The following ZNF771 variants were observed in gnomAD, a reference collection of about 807,000 sequenced individuals.
The protein encoded by ZNF771 is mesenchymal stem cell protein DSC43.
A neutral mutation model predicts 27.6 loss-of-function variants in ZNF771; 10 were observed. That is an observed-to-expected ratio of 0.36 (90% CI 0.22 to 0.61). The LOEUF is 0.61. Among genes scored for constraint, ZNF771 ranks in the 20% least tolerant of loss-of-function variants. ZNF771 has a pLI of 0.70. For missense variants in ZNF771, 438 were observed against 503.7 expected (o/e 0.87, Z 1.25); for synonymous variants, 261 against 225.2 (o/e 1.16, Z -1.43).
chr16:30,416,575 G>A (rs2050135063), intron 2 of ZNF771, among the ~76,000 whole-genome samples: 1 of 151,954 alleles, frequency 6.6e-6, no homozygotes, highest in South Asian at 2.1e-4. Context: ...ACCATCCACC[G>A]TCCACTTCTG....
chr16:30,414,420 C>T (rs1209270924), intron 2 of ZNF771: 1 of 152,172 alleles, frequency 6.6e-6, no homozygotes, highest in African/African-American at 2.4e-5. Flanking sequence ...TGAGTCCATC[C>T]TGGCTCCCAC....
chr16:30,407,924 A>C, intron 1 of ZNF771, 121 bp from the exon 2 acceptor site: 1 of 599,752 alleles, frequency 1.7e-6, no homozygotes. Context: ...CCAGATTCGG[A>C]GACCAGGGCA....
chr16:30,412,123 T>TC (rs1428175490), intron 2 of ZNF771, among the ~76,000 whole-genome samples: 1 of 151,944 alleles, frequency 6.6e-6, no homozygotes, highest in Admixed American at 6.6e-5. Flanking sequence ...ACCTATCCCA[T>TC]CCCCCCTTGT....
chr16:30,418,307 G>A lies in ZNF771; in HGVS notation c.894G>A (p.Leu298=). The change falls in exon 3 of 3, where the codon CTG becomes CTA. Residue 298 remains leucine (L), a synonymous_variant. Coordinates refer to ENST00000319296, the MANE Select transcript of ZNF771 (RefSeq NM_001142305.2). ...CCGGCTGCGGCAGGGACTTCAAGCT[G>A]CCCCCTGGCGCCACGGCCGCCACTG... is the stretch of plus-strand genomic sequence containing the variant. ...ICAGCGRDFK[L]PPGATAATAT... 6.7e-7 allele frequency: 1 copy of A among 1,490,030 alleles called. No homozygotes were observed. 92.3% of individuals were successfully genotyped at this position (1,490,030 alleles called of 1,614,324 possible). A position where few individuals can be genotyped will look rare whatever the true frequency, so the allele number is the denominator to read the frequency against.
intron 1 of ZNF771, 135 bp downstream of exon 1, chr16:30,407,799 A>C: frequency 3.0e-5 from 8 of 267,304 alleles, no homozygotes; most frequent in Admixed American, 9.9e-5. Context: ...GGGGCTGGAG[A>C]TTCGAACTGT....
At position 30,417,872 on chromosome 16, in the gene ZNF771, C is replaced by A. The variant is rs771052615; in HGVS notation, c.459C>A (p.Gly153=). ...AGCCGTACGCATGCGCGCACTGCGGCCGCCGCTTCGCGCAGAGCTCCAACT... is the reference window on the plus strand; with the variant it reads ...AGCCGTACGCATGCGCGCACTGCGGACGCCGCTTCGCGCAGAGCTCCAACT... ...GEKPYACAHC[G]RRFAQSSNYA... The change falls in exon 3 of 3, where the codon GGC becomes GGA. Residue 153 remains glycine (G), a synonymous_variant. Coordinates refer to ENST00000319296, the MANE Select transcript of ZNF771 (RefSeq NM_001142305.2). 85 of 1,506,840 alleles carry A rather than the reference C, an allele frequency of 5.6e-5. No homozygotes were observed. Among genetic ancestry groups the A allele is most frequent in the Admixed American group, 6.4e-5 (3 of 46,902 alleles). 93.3% of individuals were successfully genotyped at this position (1,506,840 alleles called of 1,614,324 possible).
Position 30,418,770 on chromosome 16 carries a change from T to G in ZNF771, c.*403T>G, listed in dbSNP as rs2050152229. 5.0e-6 allele frequency: 1 copy of G among 201,812 alleles called. No individual in the cohort carries two copies. Among genetic ancestry groups the G allele is most frequent in the Middle Eastern group, 1.9e-3 (1 of 526 alleles). 12.5% of individuals were successfully genotyped at this position (201,812 alleles called of 1,614,324 possible). A position where few individuals can be genotyped will look rare whatever the true frequency, so the allele number is the denominator to read the frequency against. On this transcript the variant is annotated 3_prime_UTR_variant, in exon 3 of 3. Coordinates refer to ENST00000319296, the MANE Select transcript of ZNF771 (RefSeq NM_001142305.2). Reference sequence around the variant, plus strand: ...ATCGCACACTTGGCCCTTGGTTACGTCCTCATAACCTTAGACCTGAAAGGG... The same window carrying G: ...ATCGCACACTTGGCCCTTGGTTACGGCCTCATAACCTTAGACCTGAAAGGG...
At chr16:30,410,517 C>T (rs1179371334) in intron 2 of ZNF771, among the ~76,000 whole-genome samples, 2 of 152,010 alleles carry the variant, frequency 1.3e-5, no homozygotes, top group African/African-American at 4.8e-5. Flanking sequence ...GGGAAGGCTT[C>T]CCAGAGGAGA....
chr16:30,416,296 CAATT>C (rs2050133715), intron 2 of ZNF771, among the ~76,000 whole-genome samples: 1 of 152,102 alleles, frequency 6.6e-6, no homozygotes, highest in Non-Finnish European at 1.5e-5. Flanking sequence ...GACAGCTTCT[CAATT>C]AACATCTCCA....
rs1366698499 is a variant in ZNF771, at chr16:30,418,208, C to T, written c.795C>T (p.Gly265=). The stretch of plus-strand genomic sequence containing the variant: ...GGCCCTACCCCTGCGCCGAGTGCGG[C>T]CGCCGCTTCCGCCTAAGCTCGCACT... ...GERPYPCAEC[G]RRFRLSSHFI... The change falls in exon 3 of 3, where the codon GGC becomes GGT. Residue 265 remains glycine, a synonymous_variant. Coordinates refer to ENST00000319296, the MANE Select transcript of ZNF771 (RefSeq NM_001142305.2). 1 of 1,506,160 alleles carries T rather than the reference C, an allele frequency of 6.6e-7. No homozygotes were observed. The highest frequency in any genetic ancestry group is 8.8e-7 in the Non-Finnish European group (1 of 1,134,092). The allele number at this position is 1,506,160 out of a possible 1,614,324, so 93.3% of individuals were successfully genotyped here. A position where few individuals can be genotyped will look rare whatever the true frequency, so the allele number is the denominator to read the frequency against.
intron 2 of ZNF771, among the ~76,000 whole-genome samples, chr16:30,411,126 C>G (rs1436899357): frequency 1.3e-5 from 2 of 152,030 alleles, no homozygotes; most frequent in African/African-American, 2.4e-5. Flanking sequence ...CGAGACCAGC[C>G]TTGCCAACAT....
rs1293984944 is a variant in ZNF771 at position 30,418,094 on chromosome 16, C to G, written c.681C>G (p.Gly227=). 2 of 1,480,566 alleles carry G rather than the reference C, an allele frequency of 1.4e-6. No homozygotes were observed. The highest frequency in any genetic ancestry group is 1.8e-6 in the Non-Finnish European group (2 of 1,123,606). The allele number at this position is 1,480,566 out of a possible 1,614,324, so 91.7% of individuals were successfully genotyped here. A position where few individuals can be genotyped will look rare whatever the true frequency, so the allele number is the denominator to read the frequency against. ...ALAKHRRVHT[G]EKPHRCAVCG... ...CCAAGCACCGGCGCGTGCACACGGG[C>G]GAGAAGCCGCACCGCTGCGCTGTGT... The change falls in exon 3 of 3, where the codon GGC becomes GGG. Residue 227 remains glycine, a synonymous_variant. Transcript: ENST00000319296.
At chr16:30,414,489 C>T (rs1365536947) in intron 2 of ZNF771, 2 of 152,186 alleles carry the variant, frequency 1.3e-5, no homozygotes, top group Non-Finnish European at 2.9e-5. Context: ...AAAGAGAGAA[C>T]ACCCAGCTCA....
intron 2 of ZNF771, 122 bp from the exon 3 acceptor site, chr16:30,417,433 C>T: frequency 1.7e-6 from 1 of 576,558 alleles, no homozygotes; most frequent in African/African-American, 2.0e-5. Context: ...GAGGCAGCAC[C>T]GTGGCCTTTC....
chr16:30,411,421 T>C (rs1597030531), intron 2 of ZNF771, among the ~76,000 whole-genome samples: 1 of 151,796 alleles, frequency 6.6e-6, no homozygotes, highest in East Asian at 1.9e-4. Flanking sequence ...TGCTCTAAGG[T>C]AGTAACAGCA....
rs1025508359 is a variant in ZNF771 at position 30,417,950 on chromosome 16, C to T, written c.537C>T (p.Asp179=). ...HTGEKPYACP[D]CGRAFGGSSC... ...GCGAGAAGCCGTACGCGTGCCCGGA[C>T]TGCGGACGCGCCTTTGGCGGCAGCT... The change falls in exon 3 of 3, where the codon GAC becomes GAT. Residue 179 remains aspartate (D), a synonymous_variant. Transcript: ENST00000319296. The T allele has an allele frequency of 6.6e-6, 10 of 1,507,134 alleles. No individual in the cohort carries two copies. In the East Asian group the frequency reaches 2.5e-4, roughly 38 times the overall value. 93.4% of individuals were successfully genotyped at this position (1,507,134 alleles called of 1,614,324 possible).
At position 30,417,745 on chromosome 16, in the gene ZNF771, G is replaced by C; in HGVS notation, c.332G>C (p.Arg111Pro). The C allele has an allele frequency of 7.1e-7, 1 of 1,415,486 alleles. No homozygotes were observed. The highest frequency in any genetic ancestry group is 9.2e-7 in the Non-Finnish European group (1 of 1,090,476). The allele number at this position is 1,415,486 out of a possible 1,614,324, so 87.7% of individuals were successfully genotyped here. ...SQKSALTKHGRTHTGERPYEC... is the reference protein window; with the variant it reads ...SQKSALTKHGPTHTGERPYEC... ...AAGTCGGCGCTGACCAAACACGGCC[G>C]CACGCACACGGGCGAGCGGCCCTAC... Residue 111 changes from arginine to proline, a missense_variant, in exon 3 of 3, where the codon CGC (arginine) becomes CCC (proline). Coordinates refer to ENST00000319296, the MANE Select transcript of ZNF771 (RefSeq NM_001142305.2).
rs200971136 is a variant in ZNF771, at chr16:30,408,155, T to C, written c.102T>C (p.Tyr34=). The change falls in exon 2 of 3, where the codon TAT becomes TAC. Residue 34 remains tyrosine, a synonymous_variant. Transcript: ENST00000319296. ...AGGAGGATGAGGGTGAGGAGAAGTA[T>C]GAGGTGGTGAAACTCAAGATCCCCA... ...KGEEDEGEEK[Y]EVVKLKIPMD... The C allele has an allele frequency of 5.3e-4, 853 of 1,613,266 alleles. 1 individual carries two copies. Among genetic ancestry groups the C allele is most frequent in the Admixed American group, 1.6e-3 (96 of 59,968 alleles).
intron 2 of ZNF771, among the ~76,000 whole-genome samples, chr16:30,416,381 T>A (rs962963897): frequency 3.9e-5 from 6 of 152,154 alleles, no homozygotes; most frequent in African/African-American, 1.4e-4. Context: ...ATCTCCCCTC[T>A]CAACTTGCTC....
Sources: allele counts gnomAD v4.1 joint callset (sites outside exome capture counted in the v4.1 genomes callset), GRCh38; gene constraint gnomAD v4.1.1; transcripts MANE v1.5; gene names NCBI Gene and HGNC (gene_info 2026-07-23, HGNC 2026-07-21).